PCDHGC5: variants seen among roughly 807,000 people sequenced by gnomAD.
PCDHGC5 encodes the protein protocadherin gamma subfamily C, 5, also known as protocadherin gamma-C5.
In PCDHGC5, 25 loss-of-function variants were observed where a neutral mutation model predicts 59.0. The ratio of observed to expected loss-of-function variants is 0.42; its 90% CI spans 0.31 to 0.59. The LOEUF (loss-of-function observed/expected upper bound fraction) is 0.59. Among genes scored for constraint, PCDHGC5 ranks in the 20% least tolerant of loss-of-function variants. PCDHGC5 has a pLI of 0.13. For missense variants in PCDHGC5, 1,067 were observed against 1,206.4 expected (o/e 0.88, Z 1.71); for synonymous variants, 434 against 505.5 (o/e 0.86, Z 1.90).
chr5:141,502,487 C>A (rs563658817), intron 2 of PCDHGC5, among the ~76,000 whole-genome samples: 1 of 152,182 alleles, frequency 6.6e-6, no homozygotes, highest in Non-Finnish European at 1.5e-5. Context: ...CACACTGGGA[C>A]TCATCTAACG....
At chr5:141,501,557 G>A (rs192507373) in intron 2 of PCDHGC5, among the ~76,000 whole-genome samples, 1 of 152,124 alleles carries the variant, frequency 6.6e-6, no homozygotes, top group Non-Finnish European at 1.5e-5. Context: ...CATAGGCCCT[G>A]GAATCATATT....
chr5:141,508,961 A>G (rs991011427), intron 3 of PCDHGC5, among the ~76,000 whole-genome samples: 2 of 151,978 alleles, frequency 1.3e-5, no homozygotes, highest in Non-Finnish European at 2.9e-5. Flanking sequence ...TGTCAGCGGA[A>G]TGAAAGGGCT....
chr5:141,491,884 G>C lies in PCDHGC5; in HGVS notation c.2460+184G>C, dbSNP rs745931108. 5.0e-5 allele frequency: 73 copies of C among 1,446,372 alleles called. No homozygotes were observed. The highest frequency in any genetic ancestry group is 6.3e-5 in the Non-Finnish European group (69 of 1,094,334). The allele number at this position is 1,446,372 out of a possible 1,614,324, so 89.6% of individuals were successfully genotyped here. A position where few individuals can be genotyped will look rare whatever the true frequency, so the allele number is the denominator to read the frequency against. On this transcript the variant is annotated intron_variant, in intron 1 of 3. Coordinates refer to ENST00000252087, the MANE Select transcript of PCDHGC5 (RefSeq NM_018929.3). The surrounding 1 kb of genome is among the most constrained non-coding windows in gnomAD (Gnocchi z 6.9). The stretch of plus-strand genomic sequence containing the variant: ...AACCAGAGTGGCCGATTAAGGGATG[G>C]GGCTCCGAGCACCGGGGGTGGTGGC...
At chr5:141,492,659 T>C (rs2099742881) in intron 1 of PCDHGC5, among the ~76,000 whole-genome samples, 1 of 152,182 alleles carries the variant, frequency 6.6e-6, no homozygotes, top group Non-Finnish European at 1.5e-5. Context: ...GTCCGGATGG[T>C]CCCGGGACTC....
Position 141,489,458 on chromosome 5 carries a change from G to T in PCDHGC5, c.218G>T (p.Arg73Leu), listed in dbSNP as rs143138320. 1 of 1,613,924 alleles carries T rather than the reference G, an allele frequency of 6.2e-7. No homozygotes were observed. Among genetic ancestry groups the T allele is most frequent in the Non-Finnish European group, 8.5e-7 (1 of 1,180,000 alleles). Residue 73 changes from arginine (R) to leucine (L), a missense_variant, in exon 1 of 4, where the codon CGC (arginine) becomes CTC (leucine). Physicochemically the swap from Arg to Leu is moderately radical, Grantham distance 102. Coordinates refer to ENST00000252087, the MANE Select transcript of PCDHGC5 (RefSeq NM_018929.3). The surrounding 1 kb of genome is among the most constrained non-coding windows in gnomAD (Gnocchi z 4.5). ...CAATTGGGCTCTGAGGAGAATGGGC[G>T]CTATTTTTCCCTGAGCTTGATGAGT... ...RLQLGSEENG[R>L]YFSLSLMSGA...
At chr5:141,507,865 T>C (rs2099864402) in intron 3 of PCDHGC5, among the ~76,000 whole-genome samples, 1 of 152,128 alleles carries the variant, frequency 6.6e-6, no homozygotes. Context: ...CACACCCGCT[T>C]CCTAGCCCTG....
chr5:141,503,713 C>T (rs867005984), intron 2 of PCDHGC5, among the ~76,000 whole-genome samples: 6 of 152,134 alleles, frequency 3.9e-5, no homozygotes, highest in Non-Finnish European at 8.8e-5. Context: ...TCCCCTTCAA[C>T]CCTAGCTTTA....
Position 141,489,492 on chromosome 5 carries a change from G to T in PCDHGC5, c.252G>T (p.Leu84=), listed in dbSNP as rs1258376136. Residue 84 remains leucine (L), a synonymous_variant, in exon 1 of 4, where the codon CTG becomes CTT. Coordinates refer to ENST00000252087, the MANE Select transcript of PCDHGC5 (RefSeq NM_018929.3). The surrounding 1 kb of genome is among the most constrained non-coding windows in gnomAD (Gnocchi z 4.5). ...YFSLSLMSGA[L]AVNQKIDRES... is the part of the protein sequence containing the mutation. ...CCCTGAGCTTGATGAGTGGTGCCCT[G>T]GCAGTGAATCAAAAGATTGACCGAG... 1 of 1,614,042 alleles carries T rather than the reference G, an allele frequency of 6.2e-7. No individual in the cohort carries two copies. The highest frequency in any genetic ancestry group is 1.1e-5 in the South Asian group (1 of 91,078).
chr5:141,500,148 G>T (rs936567158), intron 2 of PCDHGC5, among the ~76,000 whole-genome samples: 6 of 150,990 alleles, frequency 4.0e-5, no homozygotes, highest in African/African-American at 1.5e-4. Flanking sequence ...ACTTTTCTTT[G>T]TGTAATCAAA....
chr5:141,496,144 T>C (rs1478887814), intron 2 of PCDHGC5, among the ~76,000 whole-genome samples: 1 of 151,780 alleles, frequency 6.6e-6, no homozygotes, highest in Non-Finnish European at 1.5e-5. Context: ...GAGCCTTTGA[T>C]CGCAGCTCTC....
At chr5:141,507,807 A>AACGG (rs1465406594) in intron 3 of PCDHGC5, among the ~76,000 whole-genome samples, 2 of 152,152 alleles carry the variant, frequency 1.3e-5, no homozygotes, top group East Asian at 3.9e-4. Flanking sequence ...CGCCCTGGGG[A>AACGG]ACGGACCCTG....
chr5:141,498,273 A>G (rs1595516143), intron 2 of PCDHGC5, among the ~76,000 whole-genome samples: 1 of 152,038 alleles, frequency 6.6e-6, no homozygotes, highest in East Asian at 1.9e-4. Flanking sequence ...TCTTCAGTAA[A>G]CTTGGTTCAA....
rs769074023 is a variant in PCDHGC5, at chr5:141,491,738, G to A, written c.2460+38G>A. ...GCGCCGCCCCGGGCGACCCCTGGGG[G>A]CGGCACTGGAGAAGCCGCCCGTCCT... On this transcript the variant is annotated intron_variant, in intron 1 of 3. Transcript: ENST00000252087. The surrounding 1 kb of genome is among the most constrained non-coding windows in gnomAD (Gnocchi z 6.9). 6.2e-7 allele frequency: 1 copy of A among 1,600,346 alleles called. No homozygotes were observed. The highest frequency in any genetic ancestry group is 8.5e-7 in the Non-Finnish European group (1 of 1,174,196).
chr5:141,489,904 C>T lies in PCDHGC5; in HGVS notation c.664C>T (p.Arg222Cys), dbSNP rs750411680. Residue 222 changes from arginine (R) to cysteine (C), a missense_variant, in exon 1 of 4, where the codon CGC becomes TGC. By Grantham distance (180) the Arg-to-Cys change is radical. Transcript: ENST00000252087. This position sits in a 1 kb window ranked among gnomAD's most constrained non-coding sequence, Gnocchi z 4.5. ...LTAVDGGTPA[R>C]SGTTLISVIV... ...TGCTGTGGATGGGGGGACCCCAGCC[C>T]GCTCAGGGACCACCCTTATCTCTGT... 1.6e-5 allele frequency: 26 copies of T among 1,614,092 alleles called. No homozygotes were observed. The highest frequency in any genetic ancestry group is 3.3e-5 in the Admixed American group (2 of 60,014).
intron 2 of PCDHGC5, among the ~76,000 whole-genome samples, chr5:141,499,298 C>A (rs1239333151): frequency 6.6e-6 from 1 of 152,210 alleles, no homozygotes; most frequent in African/African-American, 2.4e-5. Context: ...ACACTACCAT[C>A]CCTCCTCTGA....
At chr5:141,499,189 C>T (rs1406015145) in intron 2 of PCDHGC5, among the ~76,000 whole-genome samples, 3 of 152,088 alleles carry the variant, frequency 2.0e-5, no homozygotes, top group African/African-American at 7.2e-5. Flanking sequence ...AAACCATTTC[C>T]CCCTTCTTAG....
At position 141,511,393 on chromosome 5, in the gene PCDHGC5, C is replaced by G. The variant is rs1257680621; in HGVS notation, c.*220C>G. The G allele has an allele frequency of 2.8e-6, 3 of 1,067,816 alleles. No individual in the cohort carries two copies. The highest frequency in any genetic ancestry group is 3.9e-6 in the Non-Finnish European group (3 of 764,518). The allele number at this position is 1,067,816 out of a possible 1,614,324, so 66.1% of individuals were successfully genotyped here. A position where few individuals can be genotyped will look rare whatever the true frequency, so the allele number is the denominator to read the frequency against. On this transcript the variant is annotated 3_prime_UTR_variant, in exon 4 of 4. Coordinates refer to ENST00000252087, the MANE Select transcript of PCDHGC5 (RefSeq NM_018929.3). ...CAAAAGCAGTTCCGCTGGGAACCCC[C>G]ATCCAATCAACTGCTGTACCCATGG...
chr5:141,504,765 C>T lies in PCDHGC5; in HGVS notation c.2520-628C>T, dbSNP rs548234873. ...ATTGAATTTTAGAAATTTCTTCTCC[C>T]TGCTCCAGGGTCTCTTGGGGCCTCC... On this transcript the variant is annotated intron_variant, in intron 2 of 3. Transcript: ENST00000252087. Among the ~76,000 whole-genome samples, 4 of 152,156 alleles carry T rather than the reference C, an allele frequency of 2.6e-5. No homozygotes were observed. The South Asian group carries it at 8.3e-4, about 32-fold the overall frequency.
intron 2 of PCDHGC5, among the ~76,000 whole-genome samples, chr5:141,498,815 C>T (rs1595543994): frequency 6.6e-6 from 1 of 152,032 alleles, no homozygotes. Flanking sequence ...CACCTGTAGT[C>T]CCAGCTACTC....
Sources: allele counts gnomAD v4.1 joint callset (sites outside exome capture counted in the v4.1 genomes callset), GRCh38; gene constraint gnomAD v4.1.1; non-coding constraint Gnocchi (gnomAD v3.1); transcripts MANE v1.5; gene names NCBI Gene and HGNC (gene_info 2026-07-23, HGNC 2026-07-21).